Variants in GNG7 observed in about 807,000 individuals in gnomAD.
GNG7 encodes G protein subunit gamma 7.
In GNG7, 1 loss-of-function variant was observed where a neutral mutation model predicts 4.0. The observed-to-expected ratio is 0.25, with a 90% CI of 0.09 to 1.18. GNG7 has a LOEUF of 1.18. Among genes scored for constraint, GNG7 ranks in the 50% most tolerant of loss-of-function variants. GNG7 has a pLI of 0.50. For missense variants in GNG7, 86 were observed against 91.9 expected (o/e 0.94, Z 0.26); for synonymous variants, 34 against 36.9 (o/e 0.92, Z 0.29).
At chr19:2,599,342 C>T (rs1288706019) in intron 2 of GNG7, among the ~76,000 whole-genome samples, 1 of 152,140 alleles carries the variant, frequency 6.6e-6, no homozygotes, top group Non-Finnish European at 1.5e-5. Flanking sequence ...CCCACCCCTT[C>T]CTCCTCCCAG....
intron 2 of GNG7, among the ~76,000 whole-genome samples, chr19:2,604,617 G>A (rs1189979919): frequency 9.1e-6 from 1 of 109,912 alleles, no homozygotes; most frequent in Non-Finnish European, 1.7e-5. Flanking sequence ...TCCAGCCTGG[G>A]CAACGGAGCA....
At chr19:2,682,678 A>AAAG in intron 1 of GNG7, among the ~76,000 whole-genome samples, 2 of 144,446 alleles carry the variant, frequency 1.4e-5, no homozygotes, top group Non-Finnish European at 3.0e-5. Context: ...AAAAAAAAAA[A>AAAG]AAGAAGAGCT....
intron 1 of GNG7, among the ~76,000 whole-genome samples, chr19:2,682,655 CAAAAAAAA>C (rs745799326): frequency 6.2e-5 from 4 of 64,338 alleles, no homozygotes; most frequent in South Asian, 3.7e-4. Context: ...GACTCCATCT[CAAAAAAAA>C]AAAAAAAAAA....
At chr19:2,651,267 T>C (rs58467386) in intron 1 of GNG7, among the ~76,000 whole-genome samples, 1 of 90,034 alleles carries the variant, frequency 1.1e-5, no homozygotes, top group Admixed American at 1.2e-4. Flanking sequence ...CTTCCTTCCT[T>C]CCTTCCCTCC....
At chr19:2,610,975 A>AG (rs1195008717) in intron 2 of GNG7, 4 of 4,402 alleles carry the variant, frequency 9.1e-4, no homozygotes, top group Admixed American at 2.8e-3. Flanking sequence ...GGCGGGTGGG[A>AG]GGGGGGGAAC....
intron 2 of GNG7, among the ~76,000 whole-genome samples, chr19:2,605,096 G>GGGGC (rs1237628344): frequency 6.6e-6 from 1 of 152,194 alleles, no homozygotes; most frequent in Non-Finnish European, 1.5e-5. Flanking sequence ...GCCTCCTCCA[G>GGGGC]CTTCTGGGGC....
intron 1 of GNG7, among the ~76,000 whole-genome samples, chr19:2,681,760 T>G (rs1983742110): frequency 6.6e-6 from 1 of 152,236 alleles, no homozygotes; most frequent in African/African-American, 2.4e-5. Flanking sequence ...TGTCTCTACC[T>G]CCCCGTGAGC....
intron 2 of GNG7, among the ~76,000 whole-genome samples, chr19:2,561,307 G>A (rs1218474394): frequency 6.6e-5 from 10 of 152,294 alleles, no homozygotes; most frequent in Non-Finnish European, 1.2e-4. Flanking sequence ...AATGGAGTGG[G>A]TGGAGGCCAG....
At chr19:2,643,624 G>A (rs533248217) in intron 2 of GNG7, 20 of 448,830 alleles carry the variant, frequency 4.5e-5, no homozygotes, top group Non-Finnish European at 7.6e-5. Flanking sequence ...TGCAAAGTCC[G>A]AGACCTCTCC....
chr19:2,675,375 C>T (rs1983568868), intron 1 of GNG7, among the ~76,000 whole-genome samples: 1 of 152,162 alleles, frequency 6.6e-6, no homozygotes, highest in Admixed American at 6.6e-5. Flanking sequence ...CAGGAAGGGA[C>T]AGCTTCGTGA....
intron 2 of GNG7, among the ~76,000 whole-genome samples, chr19:2,595,811 T>C (rs1981001756): frequency 6.6e-6 from 1 of 151,898 alleles, no homozygotes; most frequent in Non-Finnish European, 1.5e-5. Context: ...GCACTCCATA[T>C]GGCTGTACGT....
chr19:2,640,107 AGGAG>A (rs1413924744), intron 2 of GNG7, among the ~76,000 whole-genome samples: 173 of 63,496 alleles, frequency 2.7e-3, no homozygotes, highest in African/African-American at 0.011. Context: ...GAGGGAGGGA[AGGAG>A]GGAGGGAGGG....
intron 1 of GNG7, among the ~76,000 whole-genome samples, chr19:2,661,960 A>G (rs1271973672): frequency 6.6e-6 from 1 of 152,194 alleles, no homozygotes; most frequent in Non-Finnish European, 1.5e-5. Context: ...TTGCTCTCAC[A>G]TCAACAGCAA....
intron 1 of GNG7, among the ~76,000 whole-genome samples, chr19:2,659,094 C>T (rs982352746): frequency 3.3e-5 from 5 of 151,722 alleles, no homozygotes; most frequent in South Asian, 4.2e-4. Context: ...CTCAGCCTCC[C>T]GAGTAGCTGG....
At chr19:2,556,317 G>A (rs1303098173) in intron 2 of GNG7, among the ~76,000 whole-genome samples, 1 of 152,220 alleles carries the variant, frequency 6.6e-6, no homozygotes, top group Non-Finnish European at 1.5e-5. Flanking sequence ...TGCCCGGCGA[G>A]GTCAGCAGAC....
chr19:2,542,914 T>A (rs200520951), intron 3 of GNG7, among the ~76,000 whole-genome samples: 1 of 150,726 alleles, frequency 6.6e-6, no homozygotes, highest in Admixed American at 6.6e-5. Flanking sequence ...GTTTTTGTTT[T>A]GTTTTGTTTT....
chr19:2,528,827 T>C (rs1175811923), intron 3 of GNG7, among the ~76,000 whole-genome samples: 2 of 152,210 alleles, frequency 1.3e-5, no homozygotes, highest in Non-Finnish European at 2.9e-5. Context: ...CCCAGGTTCC[T>C]GTGTGAGGAA....
intron 1 of GNG7, among the ~76,000 whole-genome samples, chr19:2,691,926 G>A (rs1014107215): frequency 6.6e-6 from 1 of 151,676 alleles, no homozygotes; most frequent in Non-Finnish European, 1.5e-5. Flanking sequence ...AAGGCCTTTT[G>A]TGATGACAGA....
In GNG7 at chr19:2,626,380, C is replaced by G. The variant is rs186387822; in HGVS notation, c.-78+19844G>C. 1.3e-5 allele frequency among the ~76,000 whole-genome samples: 2 copies of G among 152,308 alleles called. No individual in the cohort carries two copies. The highest frequency in any genetic ancestry group is 3.9e-4 in the East Asian group (2 of 5,186). ...TTTCCTAATCTGTCACACAGGGAGG[C>G]TGGACCCAAACCAATTGATTGTTGT... On this transcript the variant is annotated intron_variant, in intron 2 of 4. Coordinates refer to ENST00000382159, the MANE Select transcript of GNG7 (RefSeq NM_052847.3). The surrounding 1 kb of genome is among the most constrained non-coding windows in gnomAD (Gnocchi z 5.0).
Sources: allele counts gnomAD v4.1 joint callset (sites outside exome capture counted in the v4.1 genomes callset), GRCh38; gene constraint gnomAD v4.1.1; non-coding constraint Gnocchi (gnomAD v3.1); transcripts MANE v1.5; gene names NCBI Gene and HGNC (gene_info 2026-07-23, HGNC 2026-07-21).